Variants in CACNB1 observed in about 807,000 individuals in gnomAD.
The protein encoded by CACNB1 is calcium voltage-gated channel auxiliary subunit beta 1.
Under a neutral mutation model 71.6 loss-of-function variants are expected in CACNB1, and 29 were observed. The ratio of observed to expected loss-of-function variants is 0.40; its 90% confidence interval spans 0.30 to 0.55. The LOEUF is 0.55. Ranked by LOEUF, CACNB1 falls within the 20% of genes least tolerant of loss-of-function variation. CACNB1 has a pLI of 0.38. For synonymous variants in CACNB1, 300 were observed against 319.6 expected (o/e 0.94, Z 0.65); for missense variants, 623 against 801.8 (o/e 0.78, Z 2.69).
At chr17:39,177,763 A>G (rs992485611) in intron 12 of CACNB1, among the ~76,000 whole-genome samples, 6 of 152,148 alleles carry the variant, frequency 3.9e-5, no homozygotes, top group Admixed American at 3.9e-4. Flanking sequence ...AAGGCAACCA[A>G]GGCTGGGAGA....
At chr17:39,179,022 G>A (rs890861784) in intron 11 of CACNB1, among the ~76,000 whole-genome samples, 4 of 151,980 alleles carry the variant, frequency 2.6e-5, no homozygotes, top group South Asian at 2.1e-4. Flanking sequence ...GGCTGGGTGC[G>A]GTGGGTCACA....
At position 39,183,729 on chromosome 17, in the gene CACNB1, T is replaced by C. The variant is rs1238496751; in HGVS notation, c.1034A>G (p.Lys345Arg). 2.5e-6 allele frequency: 4 copies of C among 1,607,540 alleles called. No individual in the cohort carries two copies. The highest frequency in any genetic ancestry group is 3.4e-6 in the Non-Finnish European group (4 of 1,176,832). Residue 345 changes from lysine (K) to arginine (R), a missense_variant, in exon 11 of 14, where the codon AAG (lysine) becomes AGG (arginine). Coordinates refer to ENST00000394303, the MANE Select transcript of CACNB1 (RefSeq NM_000723.5). ...TSLAPIIVYI[K>R]ITSPKVLQRL... ...TGCACCCACCTTGGGAGAGGTGATCTTGATGTAAACAATGATGGGGGCCAG... is the reference window on the plus strand; with the variant it reads ...TGCACCCACCTTGGGAGAGGTGATCCTGATGTAAACAATGATGGGGGCCAG...
chr17:39,176,905 C>T (rs750117569), intron 13 of CACNB1, among the ~76,000 whole-genome samples: 5 of 152,152 alleles, frequency 3.3e-5, no homozygotes, highest in Non-Finnish European at 7.3e-5. Context: ...CCAGGTTTAA[C>T]GTAGGTTTCC....
rs747392434 is a variant in CACNB1, at chr17:39,186,754, G to A, written c.551+39C>T. 1.9e-6 allele frequency: 3 copies of A among 1,611,760 alleles called. No individual in the cohort carries two copies. The South Asian group carries it at 3.3e-5, about 18-fold the overall frequency. ...AGTCCAGGCTGTATGGCCTCTCCTG[G>A]GGTTGGCAGCATCCCCTTCCCCTGC... On this transcript the variant is annotated intron_variant, in intron 5 of 13. Coordinates refer to ENST00000394303, the MANE Select transcript of CACNB1 (RefSeq NM_000723.5). The surrounding 1 kb of genome is among the most constrained non-coding windows in gnomAD (Gnocchi z 4.1).
In CACNB1 at chr17:39,186,867, A is replaced by C. The variant is rs768714221; in HGVS notation, c.477T>G (p.Ile159Met). 1.2e-6 allele frequency: 2 copies of C among 1,614,072 alleles called. No homozygotes were observed. Among genetic ancestry groups the C allele is most frequent in the South Asian group, 2.2e-5 (2 of 91,080 alleles). Residue 159 changes from isoleucine to methionine, a missense_variant, in exon 5 of 14, where the codon ATT becomes ATG. Coordinates refer to ENST00000394303, the MANE Select transcript of CACNB1 (RefSeq NM_000723.5). The surrounding 1 kb of genome is among the most constrained non-coding windows in gnomAD (Gnocchi z 4.1). ...LVKEGCEVGF[I>M]PSPVKLDSLR... ...GGCTGTCCAGTTTGACGGGGCTGGG[A>C]ATGAAGCCAACCTCACAGCCCTCCT...
At position 39,177,356 on chromosome 17, in the gene CACNB1, G is replaced by A. The variant is rs748425580; in HGVS notation, c.1326C>T (p.Asn442=). 3 of 1,613,308 alleles carry A rather than the reference G, an allele frequency of 1.9e-6. No individual in the cohort carries two copies. The Admixed American group carries it at 5.0e-5, about 27-fold the overall frequency. ...ALAASPAPVS[N]LQGPYLASGD... is the part of the protein sequence containing the mutation. ...GCGAGGTGAGCACCTGTACCTGGAG[G>A]TTGGAGACAGGGGCAGGGCTGGCAG... The change falls in exon 13 of 14, where the codon AAC becomes AAT. Residue 442 remains asparagine, a synonymous_variant. Transcript: ENST00000394303.
rs1443298887 is a variant in CACNB1 at position 39,175,399 on chromosome 17, C to T, written c.1591G>A (p.Gly531Arg). Reference protein sequence around the residue: ...DMETDPSEGPGLGDPAGGGTP... With the variant: ...DMETDPSEGPRLGDPAGGGTP... ...CCGCCCCCTGCAGGGTCTCCAAGCC[C>T]TGGCCCCTCTGAGGGGTCAGTCTCC... is the stretch of plus-strand genomic sequence containing the variant. Residue 531 changes from glycine (G) to arginine (R), a missense_variant, in exon 14 of 14, where the codon GGG (glycine) becomes AGG (arginine). By Grantham distance (125) the Gly-to-Arg change is moderately radical. Transcript: ENST00000394303. The surrounding 1 kb of genome is among the most constrained non-coding windows in gnomAD (Gnocchi z 4.7). 5 of 1,614,232 alleles carry T rather than the reference C, an allele frequency of 3.1e-6. No individual in the cohort carries two copies. Among genetic ancestry groups the T allele is most frequent in the Non-Finnish European group, 4.2e-6 (5 of 1,180,050 alleles).
rs1567804698 is a variant in CACNB1 at position 39,186,752 on chromosome 17, TGG to T, written c.551+39_551+40del. 9.9e-6 allele frequency: 16 copies of T among 1,611,128 alleles called. No individual in the cohort carries two copies. In the East Asian group the frequency reaches 3.6e-4, roughly 36 times the overall value. On this transcript the variant is annotated intron_variant, in intron 5 of 13. Transcript: ENST00000394303. This position sits in a 1 kb window ranked among gnomAD's most constrained non-coding sequence, Gnocchi z 4.1. ...CTAGTCCAGGCTGTATGGCCTCTCC[TGG>T]GGTTGGCAGCATCCCCTTCCCCTGC...
intron 8 of CACNB1, 64 bp downstream of exon 8, chr17:39,184,720 C>CTGACCCCT: frequency 8.6e-7 from 1 of 1,160,382 alleles, no homozygotes. Context: ...TCTAGGGGAT[C>CTGACCCCT]TCTCTGGGGT....
chr17:39,178,896 G>C (rs949481549), intron 11 of CACNB1, among the ~76,000 whole-genome samples: 1 of 152,070 alleles, frequency 6.6e-6, no homozygotes, highest in Non-Finnish European at 1.5e-5. Context: ...TCACACAAAC[G>C]CACACTGAGG....
In CACNB1 at chr17:39,194,552, A is replaced by G. The variant is rs2046161887; in HGVS notation, c.171+332T>C. On this transcript the variant is annotated intron_variant, in intron 2 of 13. Transcript: ENST00000394303. The surrounding 1 kb of genome is among the most constrained non-coding windows in gnomAD (Gnocchi z 4.6). ...AGATTCTGGGGGAGGACATGGAAGC[A>G]GACAGCCGGCAGGGGGAGTGGGTGA... Among the ~76,000 whole-genome samples the G allele has an allele frequency of 1.3e-5, 2 of 152,134 alleles. No individual in the cohort carries two copies.
intron 11 of CACNB1, chr17:39,182,952 C>A: frequency 1.0e-6 from 1 of 984,534 alleles, no homozygotes; most frequent in Non-Finnish European, 1.2e-6. Flanking sequence ...ATGCTGTCTT[C>A]TAACTTCAAA....
At chr17:39,178,196 G>A in intron 11 of CACNB1, 117 bp from the exon 12 acceptor site, 2 of 761,856 alleles carry the variant, frequency 2.6e-6, no homozygotes, top group South Asian at 2.9e-5. Context: ...ACCCTTGAAT[G>A]CTCCATAACT....
In CACNB1 at chr17:39,175,838, G is replaced by A. The variant is rs1180523185; in HGVS notation, c.1333-181C>T. 6.6e-6 allele frequency among the ~76,000 whole-genome samples: 1 copy of A among 152,158 alleles called. No individual in the cohort carries two copies. Among genetic ancestry groups the A allele is most frequent in the Non-Finnish European group, 1.5e-5 (1 of 68,028 alleles). On this transcript the variant is annotated intron_variant, in intron 13 of 13. Transcript: ENST00000394303. The surrounding 1 kb of genome is among the most constrained non-coding windows in gnomAD (Gnocchi z 4.7). The stretch of plus-strand genomic sequence containing the variant: ...AGCCCAGCCAGAGGACAGACCTCAG[G>A]GCATTTGCTCCTCTCTCGGGACAGG...
Position 39,175,598 on chromosome 17 carries a change from G to A in CACNB1, c.1392C>T (p.Ser464=), listed in dbSNP as rs115975977. 3,369 of 1,604,312 alleles carry A rather than the reference G, an allele frequency of 2.1e-3. 55 individuals carry two copies. The African/African-American group carries it at 0.041, about 20-fold the overall frequency. Residue 464 remains serine, a synonymous_variant, in exon 14 of 14, where the codon AGC becomes AGT. Coordinates refer to ENST00000394303, the MANE Select transcript of CACNB1 (RefSeq NM_000723.5). The surrounding 1 kb of genome is among the most constrained non-coding windows in gnomAD (Gnocchi z 4.7). ...PLERATGEHA[S]MHEYPGELGQ... The stretch of plus-strand genomic sequence containing the variant: ...CCAGCTCCCCTGGGTACTCGTGCAT[G>A]CTGGCGTGCTCCCCGGTGGCCCGTT...
rs766437106 is a variant in CACNB1 at position 39,190,313 on chromosome 17, C to T, written c.291+1161G>A. 7.9e-5 allele frequency among the ~76,000 whole-genome samples: 12 copies of T among 152,070 alleles called. No homozygotes were observed. The South Asian group carries it at 1.2e-3, about 16-fold the overall frequency. On this transcript the variant is annotated intron_variant, in intron 3 of 13. Transcript: ENST00000394303. Reference sequence around the variant, plus strand: ...GTATGCCTCTATAGTTCCAGGTACTCGGGAGGCTGAGATGGGAGGTCAAGG... The same window carrying T: ...GTATGCCTCTATAGTTCCAGGTACTTGGGAGGCTGAGATGGGAGGTCAAGG...
intron 2 of CACNB1, chr17:39,193,652 G>T: frequency 3.7e-6 from 1 of 268,728 alleles, no homozygotes; most frequent in Non-Finnish European, 7.5e-6. Flanking sequence ...ACCTACCGGG[G>T]ATCAGAGCTG....
At chr17:39,185,903 G>A (rs912303920) in intron 6 of CACNB1, 1 of 1,582,650 alleles carries the variant, frequency 6.3e-7, no homozygotes, top group Non-Finnish European at 8.6e-7. Context: ...CCACCAAAGT[G>A]CTGGCCCTGA....
intron 1 of CACNB1, chr17:39,195,268 C>T: frequency 3.1e-6 from 1 of 322,308 alleles, no homozygotes; most frequent in Non-Finnish European, 5.7e-6. Context: ...CGCGGAGAAG[C>T]TGGAGGCTCA....
Sources: allele counts gnomAD v4.1 joint callset (sites outside exome capture counted in the v4.1 genomes callset), GRCh38; gene constraint gnomAD v4.1.1; non-coding constraint Gnocchi (gnomAD v3.1); transcripts MANE v1.5; gene names NCBI Gene and HGNC (gene_info 2026-07-23, HGNC 2026-07-21).